OPCML: variants seen among roughly 807,000 people sequenced by gnomAD.
The protein encoded by OPCML is opioid binding protein/cell adhesion molecule like.
Under a neutral mutation model 37.8 loss-of-function variants are expected in OPCML, and 13 were observed. That is an observed-to-expected ratio of 0.34 (90% CI 0.22 to 0.55). The LOEUF is 0.55. Among genes scored for constraint, OPCML ranks in the 20% least tolerant of loss-of-function variants. The probability of loss-of-function intolerance (pLI) is 0.91; values close to 1 mark genes in which losing one functional copy is unlikely to be tolerated. For missense variants in OPCML, 341 were observed against 435.6 expected (o/e 0.78, Z 1.93); for synonymous variants, 176 against 168.8 (o/e 1.04, Z -0.33).
intron 1 of OPCML, among the ~76,000 whole-genome samples, chr11:132,975,528 G>GC (rs1946440649): frequency 2.8e-5 from 1 of 36,034 alleles, no homozygotes; most frequent in Non-Finnish European, 5.1e-5. Context: ...CAGGTTTCAA[G>GC]CAAAAAAAAA....
intron 1 of OPCML, among the ~76,000 whole-genome samples, chr11:133,087,719 A>T (rs1321957299): frequency 2.6e-5 from 4 of 152,234 alleles, no homozygotes; most frequent in South Asian, 2.1e-4. Context: ...GTGCCAGAGA[A>T]CAGTATTTGG....
At chr11:132,701,153 C>T (rs1943797323) in intron 2 of OPCML, among the ~76,000 whole-genome samples, 4 of 152,162 alleles carry the variant, frequency 2.6e-5, no homozygotes, top group African/African-American at 9.7e-5. Context: ...CTGGGGAAGC[C>T]TTACAATCAT....
At chr11:133,253,071 G>C (rs554928294) in intron 1 of OPCML, among the ~76,000 whole-genome samples, 1 of 151,704 alleles carries the variant, frequency 6.6e-6, no homozygotes, top group African/African-American at 2.4e-5. Flanking sequence ...ACTTGAAACC[G>C]GGAGGAAGAG....
At chr11:132,812,274 T>C (rs1190757155) in intron 2 of OPCML, among the ~76,000 whole-genome samples, 1 of 152,162 alleles carries the variant, frequency 6.6e-6, no homozygotes, top group Admixed American at 6.5e-5. Context: ...ATAGATCAGT[T>C]TCCTCAATTT....
chr11:133,229,200 C>T (rs1051587473), intron 1 of OPCML, among the ~76,000 whole-genome samples: 2 of 152,190 alleles, frequency 1.3e-5, no homozygotes, highest in African/African-American at 4.8e-5. Flanking sequence ...GGACAGGATG[C>T]TCAGCATTCA....
At chr11:132,464,360 A>G (rs2096112985) in intron 4 of OPCML, among the ~76,000 whole-genome samples, 1 of 152,144 alleles carries the variant, frequency 6.6e-6, no homozygotes, top group South Asian at 2.1e-4. Flanking sequence ...ATTATACTGT[A>G]TATGTACTCG....
intron 1 of OPCML, among the ~76,000 whole-genome samples, chr11:133,451,155 A>G (rs12801336): frequency 0.01 from 1,582 of 151,834 alleles, 17 homozygotes; most frequent in Non-Finnish European, 0.016. Flanking sequence ...TCTGCTTTCT[A>G]TTTTGGCAAT....
chr11:132,570,310 G>A (rs186543542), intron 3 of OPCML, among the ~76,000 whole-genome samples: 9 of 152,144 alleles, frequency 5.9e-5, no homozygotes, highest in Non-Finnish European at 1.2e-4. Context: ...TTTTCGTTTG[G>A]CCCTTTACAG....
intron 1 of OPCML, among the ~76,000 whole-genome samples, chr11:133,221,781 T>A (rs1402295163): frequency 2.0e-5 from 3 of 152,232 alleles, no homozygotes; most frequent in Admixed American, 1.3e-4. Flanking sequence ...AGTTTTGACC[T>A]GTGTGAATTT....
intron 1 of OPCML, among the ~76,000 whole-genome samples, chr11:133,440,364 A>T (rs1288964566): frequency 8.8e-5 from 13 of 147,588 alleles, no homozygotes; most frequent in African/African-American, 3.0e-4. Flanking sequence ...GCGCCATTGC[A>T]CTCCAGCCTG....
intron 2 of OPCML, among the ~76,000 whole-genome samples, chr11:132,691,920 T>C (rs1485001973): frequency 6.6e-6 from 1 of 152,220 alleles, no homozygotes; most frequent in Admixed American, 6.5e-5. Context: ...TCGACAGATT[T>C]GAGGGTGTTG....
At chr11:132,909,596 G>A (rs139664642) in intron 2 of OPCML, among the ~76,000 whole-genome samples, 10 of 152,318 alleles carry the variant, frequency 6.6e-5, no homozygotes, top group East Asian at 1.9e-4. Context: ...GCTTCAGTCC[G>A]TTGTGGAGAG....
intron 1 of OPCML, among the ~76,000 whole-genome samples, chr11:132,974,716 A>G (rs1315105263): frequency 6.6e-6 from 1 of 152,158 alleles, no homozygotes; most frequent in Non-Finnish European, 1.5e-5. Flanking sequence ...TTATTGCAGC[A>G]CTATCCAATG....
At chr11:132,455,415 G>T (rs1443595691) in intron 4 of OPCML, among the ~76,000 whole-genome samples, 2 of 152,162 alleles carry the variant, frequency 1.3e-5, no homozygotes, top group East Asian at 3.9e-4. Flanking sequence ...ATGGTTCCCT[G>T]CAAGTAATAA....
At chr11:132,670,159 C>G (rs1015194192) in intron 2 of OPCML, among the ~76,000 whole-genome samples, 1 of 152,124 alleles carries the variant, frequency 6.6e-6, no homozygotes, top group Middle Eastern at 3.2e-3. Flanking sequence ...TACTCACGAC[C>G]ATGTCTGTCT....
At chr11:132,464,116 G>C (rs776007239) in intron 4 of OPCML, among the ~76,000 whole-genome samples, 29 of 151,970 alleles carry the variant, frequency 1.9e-4, no homozygotes, top group Non-Finnish European at 3.2e-4. Flanking sequence ...CCTTTCCTTG[G>C]CTGCCTTCCC....
intron 2 of OPCML, among the ~76,000 whole-genome samples, chr11:132,839,328 T>C (rs1941185139): frequency 1.3e-5 from 2 of 152,126 alleles, no homozygotes; most frequent in Admixed American, 6.5e-5. Context: ...AGGGGAACGC[T>C]AGAACCCTGA....
At chr11:133,085,686 T>C (rs1264997183) in intron 1 of OPCML, among the ~76,000 whole-genome samples, 3 of 152,162 alleles carry the variant, frequency 2.0e-5, no homozygotes, top group African/African-American at 7.2e-5. Flanking sequence ...GAATTAAAGA[T>C]CTTACAGACC....
intron 2 of OPCML, among the ~76,000 whole-genome samples, chr11:132,854,457 G>A (rs887041450): frequency 6.6e-6 from 1 of 152,136 alleles, no homozygotes; most frequent in Non-Finnish European, 1.5e-5. Context: ...GTTGGAGGTT[G>A]GGAGTGAAAG....
Sources: allele counts gnomAD v4.1 joint callset (sites outside exome capture counted in the v4.1 genomes callset), GRCh38; gene constraint gnomAD v4.1.1; transcripts MANE v1.5; gene names NCBI Gene and HGNC (gene_info 2026-07-23, HGNC 2026-07-21).